Variants in TENM2 observed in about 807,000 individuals in gnomAD.
TENM2 encodes the protein teneurin transmembrane protein 2.
Under a neutral mutation model 245.2 loss-of-function variants are expected in TENM2, and 52 were observed. The ratio of observed to expected loss-of-function variants is 0.21; its 90% CI spans 0.17 to 0.27. TENM2 has a LOEUF of 0.27. Among genes scored for constraint, TENM2 ranks in the 10% least tolerant of loss-of-function variants. TENM2 has a pLI of 1.00. For missense variants in TENM2, 3,046 were observed against 3,666.8 expected, an observed-to-expected ratio of 0.83 and a Z score of 4.37; for synonymous variants, 1,363 against 1,438.9, an observed-to-expected ratio of 0.95 and a Z score of 1.19.
At chr5:167,796,482 G>A (rs373765193) in intron 2 of TENM2, among the ~76,000 whole-genome samples, 7 of 151,992 alleles carry the variant, frequency 4.6e-5, no homozygotes, top group South Asian at 2.1e-4. Context: ...TACTCAACTC[G>A]CAGCAATGAA....
chr5:168,075,610 T>C (rs75892439), intron 7 of TENM2, among the ~76,000 whole-genome samples: 3,061 of 152,350 alleles, frequency 0.02, 51 homozygotes, highest in Non-Finnish European at 0.033. Context: ...GAGTTTCATA[T>C]GCAAGGAATC....
intron 9 of TENM2, among the ~76,000 whole-genome samples, chr5:168,106,969 A>G (rs535172596): frequency 6.9e-4 from 105 of 152,248 alleles, no homozygotes; most frequent in Admixed American, 6.0e-3. Context: ...GTGAGTTTGG[A>G]GAATTGCTTG....
chr5:167,583,661 G>A (rs1278004357), intron 2 of TENM2, among the ~76,000 whole-genome samples: 3 of 152,068 alleles, frequency 2.0e-5, no homozygotes, highest in African/African-American at 7.2e-5. Context: ...CACTTACAAC[G>A]CATAATCTAG....
chr5:168,124,703 G>T, intron 10 of TENM2, 147 bp from the exon 13 acceptor site: 2 of 692,766 alleles, frequency 2.9e-6, no homozygotes, highest in Non-Finnish European at 4.8e-6. Flanking sequence ...GACCACATAA[G>T]TATTTCTTGG....
intron 2 of TENM2, among the ~76,000 whole-genome samples, chr5:167,378,663 A>G (rs1000268866): frequency 3.3e-5 from 5 of 152,072 alleles, no homozygotes; most frequent in Non-Finnish European, 7.4e-5. Flanking sequence ...ACTTTTGTTC[A>G]ATAATAAATG....
chr5:167,913,013 A>C (rs1396717154), intron 3 of TENM2, among the ~76,000 whole-genome samples: 1 of 152,158 alleles, frequency 6.6e-6, no homozygotes, highest in Non-Finnish European at 1.5e-5. Flanking sequence ...TGACAGGGCT[A>C]TCTCTTAAAA....
intron 3 of TENM2, among the ~76,000 whole-genome samples, chr5:167,919,530 C>A (rs1339920234): frequency 6.6e-6 from 1 of 152,208 alleles, no homozygotes; most frequent in Non-Finnish European, 1.5e-5. Context: ...TATTCCTTGG[C>A]TTTTATTCTA....
At chr5:167,796,687 G>T (rs1765344091) in intron 2 of TENM2, among the ~76,000 whole-genome samples, 2 of 151,970 alleles carry the variant, frequency 1.3e-5, no homozygotes, top group South Asian at 4.2e-4. Context: ...GTTGGGAGTG[G>T]CTCATGGCTG....
the TENM2 span, among the ~76,000 whole-genome samples, chr5:167,080,763 G>A: frequency 6.6e-6 from 1 of 152,096 alleles, no homozygotes; most frequent in East Asian, 1.9e-4. Flanking sequence ...CTGAAAAAAT[G>A]TATCTTCTCA....
chr5:167,547,096 T>A (rs1195055829), intron 2 of TENM2, among the ~76,000 whole-genome samples: 1 of 152,152 alleles, frequency 6.6e-6, no homozygotes, highest in Non-Finnish European at 1.5e-5. Context: ...ATTATTATTA[T>A]TATTTTGAGA....
intron 2 of TENM2, among the ~76,000 whole-genome samples, chr5:167,851,959 C>A (rs973861127): frequency 6.6e-6 from 1 of 152,110 alleles, no homozygotes; most frequent in African/African-American, 2.4e-5. Context: ...CTCTTTATTG[C>A]CTATGTCTGT....
At chr5:167,353,662 T>C (rs944027840) in intron 1 of TENM2, among the ~76,000 whole-genome samples, 107 of 151,520 alleles carry the variant, frequency 7.1e-4, no homozygotes, top group East Asian at 1.4e-3. Context: ...CGCCCGCCAC[T>C]ACGCCCGGCT....
chr5:167,064,828 G>A, the TENM2 span, among the ~76,000 whole-genome samples: 1 of 152,216 alleles, frequency 6.6e-6, no homozygotes, highest in South Asian at 2.1e-4. Flanking sequence ...CATGACATAC[G>A]GGATTCTTAT....
intron 5 of TENM2, among the ~76,000 whole-genome samples, chr5:168,033,505 A>G (rs1310540963): frequency 6.6e-6 from 1 of 152,186 alleles, no homozygotes; most frequent in Non-Finnish European, 1.5e-5. Context: ...ATAAGAATTC[A>G]GTAGACACTG....
chr5:168,203,246 A>T (rs1762076089), intron 17 of TENM2, among the ~76,000 whole-genome samples: 1 of 152,250 alleles, frequency 6.6e-6, no homozygotes, highest in South Asian at 2.1e-4. Context: ...TCAATGAGCC[A>T]GTACGATCCC....
In TENM2 at chr5:167,774,158, G is replaced by C. The variant is rs531664715; in HGVS notation, c.503-101828G>C. Among the ~76,000 whole-genome samples the C allele has an allele frequency of 3.1e-4, 40 of 130,500 alleles. 1 individual carries two copies. In the South Asian group the frequency reaches 7.3e-3, roughly 24 times the overall value. 85.6% of individuals were successfully genotyped at this position (130,500 alleles called of 152,430 possible). A position where few individuals can be genotyped will look rare whatever the true frequency, so the allele number is the denominator to read the frequency against. ...CAATAATAAAAGGGAGGGAGGGAGGGAGGGAGGAAGGAAGGAAGGAAAGAA... is the reference window on the plus strand; with the variant it reads ...CAATAATAAAAGGGAGGGAGGGAGGCAGGGAGGAAGGAAGGAAGGAAAGAA... On this transcript the variant is annotated intron_variant, in intron 2 of 28. Transcript: ENST00000518659.
At chr5:168,214,856 A>T in intron 20 of TENM2, 184 bp from the exon 23 acceptor site, 1 of 690,612 alleles carries the variant, frequency 1.4e-6, no homozygotes, top group South Asian at 1.5e-5. Context: ...AAGTCCAATT[A>T]GAAGTAGCTA....
chr5:168,070,728 G>T (rs1790916194), intron 7 of TENM2, among the ~76,000 whole-genome samples: 2 of 151,408 alleles, frequency 1.3e-5, no homozygotes, highest in African/African-American at 4.9e-5. Context: ...GGTCAAGGCT[G>T]CAGTGTGCCC....
intron 6 of TENM2, among the ~76,000 whole-genome samples, chr5:168,058,231 A>G (rs1420288154): frequency 6.6e-6 from 1 of 152,010 alleles, no homozygotes; most frequent in Non-Finnish European, 1.5e-5. Flanking sequence ...CTCTCACTTT[A>G]CCCTGTCATC....
Sources: gnomAD v4.1 joint callset for allele counts (sites outside exome capture counted in the v4.1 genomes callset) on GRCh38, gnomAD v4.1.1 for gene constraint, MANE v1.5 for transcripts, NCBI Gene and HGNC (gene_info 2026-07-23, HGNC 2026-07-21) for gene names.